DST: variants seen among roughly 807,000 people sequenced by gnomAD.
The protein encoded by DST is bullous pemphigoid antigen.
Under a neutral mutation model 875.2 loss-of-function variants are expected in DST, and 253 were observed. That is an observed-to-expected ratio of 0.29 (90% CI 0.26 to 0.32). DST has a LOEUF of 0.32. Among genes scored for constraint, DST ranks in the 10% least tolerant of loss-of-function variants. The pLI, the probability that DST is intolerant of heterozygous loss-of-function variation, is 1.00. For missense variants in DST, 8,287 were observed against 9,111.6 expected (o/e 0.91, Z 3.68); for synonymous variants, 3,124 against 3,197.1 (o/e 0.98, Z 0.77).
chr6:56,572,419 A>G (rs2097792311), intron 52 of DST, among the ~76,000 whole-genome samples, 153 bp from the exon 53 acceptor site: 2 of 152,236 alleles, frequency 1.3e-5, no homozygotes, highest in Admixed American at 1.3e-4. Context: ...TATAATAAAC[A>G]TGCATATAGG....
rs1469620605 is a variant in DST, at chr6:56,552,375, A to C, written c.16417T>G (p.Cys5473Gly). 3.7e-6 allele frequency: 6 copies of C among 1,613,778 alleles called. No homozygotes were observed. Among genetic ancestry groups the C allele is most frequent in the Non-Finnish European group, 5.1e-6 (6 of 1,179,870 alleles). Residue 5473 changes from cysteine to glycine, a missense_variant, in exon 61 of 104, where the codon TGC becomes GGC. Cys to Gly is a radical substitution (Grantham distance 159, BLOSUM62 -3). Transcript: ENST00000680361. ...KRDLEALSKQ[C>G]NKLLDRAQAR... ...TGGGCTCGGTCCAGTAACTTGTTGC[A>C]TTGTTTGCTTAAGGCCTCCAAGTCC...
At chr6:56,461,607 G>T (rs966589860) in intron 102 of DST, 4 of 152,066 alleles carry the variant, frequency 2.6e-5, no homozygotes, top group African/African-American at 4.8e-5. Flanking sequence ...TTGTTTTTTG[G>T]TTTTTTGTTT....
In DST at chr6:56,463,093, G is replaced by A. The variant is rs762972312; in HGVS notation, c.23023C>T (p.Pro7675Ser). ...PWLTNSKMST[P>S]CKAAECSDFP... ...TCTGAGCACTCTGCTGCTTTACAAG[G>A]AGTTGACATTTTGCTGTTTGTCAAC... The change falls in exon 102 of 104, where the codon CCT (proline) becomes TCT (serine). Residue 7675 changes from proline to serine, a missense_variant. By Grantham distance (74) the Pro-to-Ser change is moderately conservative. Coordinates refer to ENST00000680361, the MANE Select transcript of DST (RefSeq NM_001374736.1). 6.2e-7 allele frequency: 1 copy of A among 1,613,714 alleles called. No individual in the cohort carries two copies. The highest frequency in any genetic ancestry group is 8.5e-7 in the Non-Finnish European group (1 of 1,179,748).
In DST at chr6:56,954,398, G is replaced by A. The variant is rs367760336; in HGVS notation, c.181+9C>T. ...GTAGCCCGCAGAAACCCGTCGCGGC[G>A]TGTCTTACCTCGGCTTCTTGAACGA... On this transcript the variant is annotated intron_variant, in intron 1 of 103. Coordinates refer to ENST00000680361, the MANE Select transcript of DST (RefSeq NM_001374736.1). The A allele has an allele frequency of 7.3e-7, 1 of 1,364,380 alleles. No homozygotes were observed. The highest frequency in any genetic ancestry group is 9.8e-7 in the Non-Finnish European group (1 of 1,020,366). 84.5% of individuals were successfully genotyped at this position (1,364,380 alleles called of 1,614,324 possible).
At chr6:56,733,651 C>G (rs2099511121) in intron 5 of DST, among the ~76,000 whole-genome samples, 1 of 152,144 alleles carries the variant, frequency 6.6e-6, no homozygotes, top group African/African-American at 2.4e-5. Flanking sequence ...GCTTCTTCTG[C>G]TCCTCTGTTT....
At chr6:56,772,603 G>A (rs1291116999) in intron 4 of DST, among the ~76,000 whole-genome samples, 1 of 152,178 alleles carries the variant, frequency 6.6e-6, no homozygotes, top group African/African-American at 2.4e-5. Context: ...TTATCTAAGA[G>A]TATATCAAAA....
intron 35 of DST, 22 bp from the exon 36 acceptor site, chr6:56,624,650 A>C (rs746803272): frequency 6.8e-7 from 1 of 1,475,226 alleles, no homozygotes; most frequent in Non-Finnish European, 9.5e-7. Flanking sequence ...GAAAAAAATA[A>C]TAAAAGCATT....
rs779624477 is a variant in DST, at chr6:56,497,988, A to G, written c.19962T>C (p.Asp6654=). Reference sequence around the variant, plus strand: ...CTTCTCCTGCACTTGATTCAATTAGATCATTTCCTGCTTTATTAACGGCTT... The same window carrying G: ...CTTCTCCTGCACTTGATTCAATTAGGTCATTTCCTGCTTTATTAACGGCTT... The part of the protein sequence containing the change: ...TVEAVNKAGN[D]LIESSAGEEA... Residue 6654 remains aspartate, a synonymous_variant, in exon 81 of 104, where the codon GAT becomes GAC. Transcript: ENST00000680361. The G allele has an allele frequency of 6.2e-7, 1 of 1,613,430 alleles. No homozygotes were observed.
At position 56,880,602 on chromosome 6, in the gene DST, G is replaced by T. The variant is rs1781632948; in HGVS notation, c.417+19819C>A. 2.6e-5 allele frequency among the ~76,000 whole-genome samples: 4 copies of T among 151,274 alleles called. 1 individual carries two copies. In the South Asian group the frequency reaches 8.3e-4, roughly 32 times the overall value. Reference sequence around the variant, plus strand: ...CTTGGGAGCCTGAGGCAGGAGAATTGCATGAACCCAGGAGGTGGAGGTTGC... The same window carrying T: ...CTTGGGAGCCTGAGGCAGGAGAATTTCATGAACCCAGGAGGTGGAGGTTGC... On this transcript the variant is annotated intron_variant, in intron 3 of 103. Transcript: ENST00000680361.
chr6:56,951,818 G>A (rs1049080919), intron 2 of DST, among the ~76,000 whole-genome samples: 1 of 152,066 alleles, frequency 6.6e-6, no homozygotes, highest in Non-Finnish European at 1.5e-5. Flanking sequence ...ACAAACTCCA[G>A]GGCAATTTTT....
At chr6:56,618,761 A>G (rs778692847) in intron 36 of DST, 2 of 1,614,044 alleles carry the variant, frequency 1.2e-6, no homozygotes, top group Non-Finnish European at 1.7e-6. Context: ...TAATTTTTCC[A>G]TCTTCTTCCG....
intron 9 of DST, among the ~76,000 whole-genome samples, chr6:56,689,165 T>C (rs916425170): frequency 3.3e-5 from 5 of 152,116 alleles, no homozygotes; most frequent in Non-Finnish European, 7.4e-5. Flanking sequence ...AAGATAAATG[T>C]AGTTGGGGAG....
At chr6:56,758,901 CCAACCAGATT>C (rs1487787386) in intron 4 of DST, among the ~76,000 whole-genome samples, 1 of 152,054 alleles carries the variant, frequency 6.6e-6, no homozygotes, top group Non-Finnish European at 1.5e-5. Context: ...AGCCAGGTGC[CCAACCAGATT>C]CAACCAGAGT....
intron 4 of DST, among the ~76,000 whole-genome samples, chr6:56,754,115 G>A (rs148167913): frequency 6.6e-6 from 1 of 152,210 alleles, no homozygotes; most frequent in Non-Finnish European, 1.5e-5. Flanking sequence ...TTTAGCAATA[G>A]GAATAAGAAA....
intron 55 of DST, among the ~76,000 whole-genome samples, chr6:56,564,124 T>C (rs890734450): frequency 6.6e-6 from 1 of 152,214 alleles, no homozygotes; most frequent in African/African-American, 2.4e-5. Flanking sequence ...AAGTCAATGG[T>C]AGCTTGATGG....
intron 80 of DST, among the ~76,000 whole-genome samples, 159 bp downstream of exon 80, chr6:56,500,920 TA>T (rs2152457952): frequency 6.6e-6 from 1 of 152,298 alleles, no homozygotes; most frequent in Non-Finnish European, 1.5e-5. Context: ...ATTTTGACTA[TA>T]ATGTTTTAAG....
chr6:56,777,999 G>C (rs1008237212), intron 4 of DST, among the ~76,000 whole-genome samples: 2 of 152,036 alleles, frequency 1.3e-5, no homozygotes, highest in Non-Finnish European at 2.9e-5. Context: ...CACTGCCCCC[G>C]GCCTGTAAGG....
At chr6:56,655,159 T>TAAAAA (rs2099000247) in intron 10 of DST, among the ~76,000 whole-genome samples, 3 of 67,926 alleles carry the variant, frequency 4.4e-5, no homozygotes, top group South Asian at 4.0e-4. Context: ...AGACTTTGCC[T>TAAAAA]CAAAAAAAAA....
At position 56,615,848 on chromosome 6, in the gene DST, T is replaced by C. The variant is rs372196234; in HGVS notation, c.4930-1364A>G. 5.9e-5 allele frequency: 95 copies of C among 1,614,058 alleles called. No homozygotes were observed. Among genetic ancestry groups the C allele is most frequent in the Non-Finnish European group, 7.8e-5 (92 of 1,180,032 alleles). ...ATTTATAATATTTGCATTCACAGCTTCCACCACTGACATCATTTTGTTAGT... is the reference window on the plus strand; with the variant it reads ...ATTTATAATATTTGCATTCACAGCTCCCACCACTGACATCATTTTGTTAGT... On this transcript the variant is annotated intron_variant, in intron 36 of 103. Transcript: ENST00000680361.
Sources: allele counts gnomAD v4.1 joint callset (sites outside exome capture counted in the v4.1 genomes callset), GRCh38; gene constraint gnomAD v4.1.1; transcripts MANE v1.5; gene names NCBI Gene and HGNC (gene_info 2026-07-23, HGNC 2026-07-21).